The following KCNC2 variants were observed in gnomAD, a reference collection of about 807,000 sequenced individuals.
KCNC2 encodes the protein potassium voltage-gated channel subfamily C member 2.
In KCNC2, 21 loss-of-function variants were observed where a neutral mutation model predicts 44.5. The ratio of observed to expected loss-of-function variants is 0.47; its 90% CI spans 0.33 to 0.68. KCNC2 has a LOEUF of 0.68. Among genes scored for constraint, KCNC2 ranks in the 30% least tolerant of loss-of-function variants. KCNC2 has a pLI of 0.01. For missense variants in KCNC2, 589 were observed against 826.2 expected (o/e 0.71, Z 3.52); for synonymous variants, 391 against 339.1 (o/e 1.15, Z -1.68).
intron 2 of KCNC2, among the ~76,000 whole-genome samples, chr12:75,081,922 C>A (rs549947385): frequency 3.9e-5 from 6 of 151,924 alleles, no homozygotes; most frequent in Non-Finnish European, 1.5e-5. Context: ...CAACTCATAC[C>A]AAGAGTCTTC....
intron 2 of KCNC2, among the ~76,000 whole-genome samples, chr12:75,083,097 T>A (rs528236635): frequency 1.2e-3 from 176 of 144,826 alleles, no homozygotes; most frequent in Non-Finnish European, 2.0e-3. Flanking sequence ...AGAATTAAAA[T>A]TATTTTCTTT....
intron 2 of KCNC2, among the ~76,000 whole-genome samples, chr12:75,106,270 G>A (rs1886775304): frequency 6.6e-6 from 1 of 152,156 alleles, no homozygotes; most frequent in Non-Finnish European, 1.5e-5. Context: ...GAGAGTGGTG[G>A]GTTCAAGTAA....
chr12:75,200,420 T>C (rs2031143085), intron 2 of KCNC2, among the ~76,000 whole-genome samples: 1 of 151,746 alleles, frequency 6.6e-6, no homozygotes, highest in Non-Finnish European at 1.5e-5. Context: ...TCTTCACCAA[T>C]TTCACTAATA....
rs114432493 is a variant in KCNC2 at position 75,042,410 on chromosome 12, A to G, written c.*695T>C. 2,449 of 1,594,082 alleles carry G rather than the reference A, an allele frequency of 1.5e-3. 36 individuals are homozygous for G. In the African/African-American group the frequency reaches 0.03, roughly 19 times the overall value. On this transcript the variant is annotated 3_prime_UTR_variant, in exon 5 of 5. Transcript: ENST00000549446. ...ACAACCAGAGACATTCAGAACTCCA[A>G]TACAGCATTTTTGAAGAAAAGTAAA...
intron 2 of KCNC2, among the ~76,000 whole-genome samples, chr12:75,191,113 A>C (rs2030166479): frequency 6.6e-6 from 1 of 152,124 alleles, no homozygotes; most frequent in South Asian, 2.1e-4. Context: ...CCAGGCATAG[A>C]ATATTTAGGA....
intron 2 of KCNC2, among the ~76,000 whole-genome samples, chr12:75,170,995 TC>T (rs1425740600): frequency 2.0e-5 from 3 of 151,734 alleles, no homozygotes; most frequent in African/African-American, 7.3e-5. Flanking sequence ...GATGTTACTT[TC>T]AGTTCCTAGA....
intron 2 of KCNC2, among the ~76,000 whole-genome samples, chr12:75,145,874 T>C (rs1451013198): frequency 6.6e-6 from 1 of 152,170 alleles, no homozygotes; most frequent in Non-Finnish European, 1.5e-5. Flanking sequence ...TATATTTGTT[T>C]CAGGTCTTTT....
At chr12:75,208,447 C>T (rs1308050466) in intron 1 of KCNC2, among the ~76,000 whole-genome samples, 2 of 151,568 alleles carry the variant, frequency 1.3e-5, no homozygotes, top group East Asian at 2.0e-4. Flanking sequence ...CTCTCCTCCT[C>T]CCCTGGTTGG....
chr12:75,199,326 G>T (rs1223018723), intron 2 of KCNC2, among the ~76,000 whole-genome samples: 3 of 151,846 alleles, frequency 2.0e-5, no homozygotes, highest in Admixed American at 2.0e-4. Flanking sequence ...GTGTCTGCAT[G>T]AGATTTTCTG....
rs116903326 is a variant in KCNC2, at chr12:75,125,521, G to A, written c.688-74204C>T. Among the ~76,000 whole-genome samples, 544 of 152,270 alleles carry A rather than the reference G, an allele frequency of 3.6e-3. 2 individuals are homozygous for A. Among genetic ancestry groups the A allele is most frequent in the Admixed American group, 6.9e-3 (105 of 15,300 alleles). ...GTGAGAAACAGAGGAGCAGATGGGT[G>A]TCTTAACTGCTCTATTTGCATATCC... On this transcript the variant is annotated intron_variant, in intron 2 of 4. Coordinates refer to ENST00000549446, the MANE Select transcript of KCNC2 (RefSeq NM_139137.4).
intron 2 of KCNC2, among the ~76,000 whole-genome samples, chr12:75,076,766 C>A (rs1222325942): frequency 6.6e-6 from 1 of 152,164 alleles, no homozygotes; most frequent in African/African-American, 2.4e-5. Flanking sequence ...TGTTGCCTTG[C>A]TAAATGTTAC....
chr12:75,100,613 G>A (rs1255650761), intron 2 of KCNC2, among the ~76,000 whole-genome samples: 2 of 151,902 alleles, frequency 1.3e-5, no homozygotes, highest in African/African-American at 2.4e-5. Flanking sequence ...AGGTTCACAA[G>A]GTTACTATCA....
At chr12:75,081,922 C>G (rs549947385) in intron 2 of KCNC2, among the ~76,000 whole-genome samples, 9 of 152,042 alleles carry the variant, frequency 5.9e-5, no homozygotes, top group African/African-American at 2.2e-4. Flanking sequence ...CAACTCATAC[C>G]AAGAGTCTTC....
chr12:75,143,515 G>A (rs12308717), intron 2 of KCNC2, among the ~76,000 whole-genome samples: 30,145 of 151,952 alleles, frequency 0.2, 3,428 homozygotes, highest in Admixed American at 0.27. Context: ...TGTGGTTCCA[G>A]GCCCCTGCCT....
intron 3 of KCNC2, among the ~76,000 whole-genome samples, chr12:75,049,487 A>T (rs1288230076): frequency 6.6e-6 from 1 of 152,142 alleles, no homozygotes; most frequent in Non-Finnish European, 1.5e-5. Flanking sequence ...CCTGTACCAG[A>T]CAGTAGACAA....
rs970447788 is a variant in KCNC2 at position 75,207,053 on chromosome 12, T to A, written c.687+244A>T. On this transcript the variant is annotated intron_variant, in intron 2 of 4. Transcript: ENST00000549446. This position sits in a 1 kb window ranked among gnomAD's most constrained non-coding sequence, Gnocchi z 4.1. ...GTCGACATTGGCCCTCTAGGTCCCA[T>A]CTGCTAAAGCAAATCTGTTTGAGTT... 3.9e-5 allele frequency among the ~76,000 whole-genome samples: 6 copies of A among 152,180 alleles called. No homozygotes were observed. Among genetic ancestry groups the A allele is most frequent in the Non-Finnish European group, 8.8e-5 (6 of 68,030 alleles).
intron 2 of KCNC2, among the ~76,000 whole-genome samples, chr12:75,198,883 A>G (rs564151163): frequency 6.6e-6 from 1 of 151,920 alleles, no homozygotes; most frequent in Admixed American, 6.6e-5. Flanking sequence ...ATTGGTCCAA[A>G]TAGTTTTTGC....
At chr12:75,136,813 C>G (rs1889265756) in intron 2 of KCNC2, among the ~76,000 whole-genome samples, 1 of 152,028 alleles carries the variant, frequency 6.6e-6, no homozygotes, top group East Asian at 1.9e-4. Context: ...GGGAATCCTC[C>G]CTAACTAATT....
At chr12:75,146,605 A>G (rs1246402967) in intron 2 of KCNC2, among the ~76,000 whole-genome samples, 2 of 152,238 alleles carry the variant, frequency 1.3e-5, no homozygotes, top group African/African-American at 4.8e-5. Context: ...AACCATTACC[A>G]TGCTTGTGCA....
Sources: gnomAD v4.1 joint callset for allele counts (sites outside exome capture counted in the v4.1 genomes callset) on GRCh38, gnomAD v4.1.1 for gene constraint, Gnocchi (gnomAD v3.1) non-coding constraint, MANE v1.5 for transcripts, NCBI Gene and HGNC (gene_info 2026-07-23, HGNC 2026-07-21) for gene names.